Variants in P2RY8 observed in about 807,000 individuals in gnomAD.
The protein encoded by P2RY8 is P2Y receptor family member 8, also known as S-geranylgeranyl-glutathione receptor P2RY8.
Under a neutral mutation model 10.0 loss-of-function variants are expected in P2RY8, and 6 were observed. That is an observed-to-expected ratio of 0.60 (90% CI 0.33 to 1.19). The LOEUF is 1.19. P2RY8 is among the 50% of genes most tolerant of loss of function. The probability of loss-of-function intolerance (pLI) is 0.04; values close to 1 mark genes in which losing one functional copy is unlikely to be tolerated. For missense variants in P2RY8, 456 were observed against 542.0 expected (o/e 0.84, Z 1.58); for synonymous variants, 276 against 252.5 (o/e 1.09, Z -0.88).
In P2RY8 at chrX:1,465,493, C is replaced by A. The variant is rs1194232990; in HGVS notation, c.1066G>T (p.Glu356Ter). 6.2e-7 allele frequency: 1 copy of A among 1,607,334 alleles called. No homozygotes were observed. Among genetic ancestry groups the A allele is most frequent in the African/African-American group, 1.3e-5 (1 of 74,770 alleles). The stretch of plus-strand genomic sequence containing the variant: ...GCCCCCGGGACTCAGAACACACTCT[C>A]CTGCCTCTGGAGGCCGGGCCTGGTG... ...GATRPGLQRQ[E>*]SVF The change falls in exon 2 of 2, where the codon GAG becomes TAG. Residue 356 changes from glutamate (E) to a stop codon, truncating the protein, a stop_gained. Coordinates refer to ENST00000381297, the MANE Select transcript of P2RY8 (RefSeq NM_178129.5). LOFTEE classifies it high-confidence loss of function.
At chrX:1,532,385 T>C (rs1295318718) in intron 1 of P2RY8, among the ~76,000 whole-genome samples, 1 of 149,946 alleles carries the variant, frequency 6.7e-6, no homozygotes, top group Non-Finnish European at 1.5e-5. Flanking sequence ...ATGATGTGTG[T>C]ATATGCACAT....
At chrX:1,506,750 T>C (rs2092237306) in intron 1 of P2RY8, among the ~76,000 whole-genome samples, 1 of 151,718 alleles carries the variant, frequency 6.6e-6, no homozygotes, top group African/African-American at 2.4e-5. Context: ...CAATCTTGGC[T>C]CACTACAACC....
At chrX:1,524,072 T>G (rs764777568) in intron 1 of P2RY8, among the ~76,000 whole-genome samples, 7 of 152,068 alleles carry the variant, frequency 4.6e-5, no homozygotes, top group African/African-American at 1.7e-4. Context: ...GGTGACTGAG[T>G]TTTTTGGCAT....
chrX:1,535,774 G>C (rs1178657619), intron 1 of P2RY8, among the ~76,000 whole-genome samples: 1 of 151,564 alleles, frequency 6.6e-6, no homozygotes, highest in African/African-American at 2.4e-5. Context: ...TTTGGGAACA[G>C]AGCCACGTGA....
At chrX:1,498,355 G>A (rs191775966) in intron 1 of P2RY8, among the ~76,000 whole-genome samples, 21,353 of 136,716 alleles carry the variant, frequency 0.16, 1,963 homozygotes, top group East Asian at 0.43. Flanking sequence ...GCAGTGAGCC[G>A]AGATCGCGCC....
intron 1 of P2RY8, among the ~76,000 whole-genome samples, chrX:1,490,561 T>C (rs2092035676): frequency 7.0e-6 from 1 of 142,490 alleles, no homozygotes; most frequent in African/African-American, 2.6e-5. Context: ...CTTCTGCAAA[T>C]GTAGAGAGAA....
In P2RY8 at chrX:1,514,560, CCCTT is replaced by C. The variant is rs2092325288; in HGVS notation, c.-25+22357_-25+22360del. On this transcript the variant is annotated intron_variant, in intron 1 of 1. Transcript: ENST00000381297. ...CCCTTCCTTTCCCTTCTCTTCCCTT[CCCTT>C]CCCTCCCTTCCCTTCCTTTTCCTTT... 1.3e-3 allele frequency among the ~76,000 whole-genome samples: 9 copies of C among 6,832 alleles called. 2 individuals are homozygous for C. The highest frequency in any genetic ancestry group is 2.5e-3 in the African/African-American group (9 of 3,562). The allele number at this position is 6,832 out of a possible 152,430, so 4.5% of individuals were successfully genotyped here. A position where few individuals can be genotyped will look rare whatever the true frequency, so the allele number is the denominator to read the frequency against.
chrX:1,476,329 C>A (rs868270815), intron 1 of P2RY8, among the ~76,000 whole-genome samples: 11 of 152,070 alleles, frequency 7.2e-5, no homozygotes, highest in South Asian at 4.1e-4. Context: ...GTAATCCCAG[C>A]ACTTTGGGAG....
At chrX:1,507,664 G>A (rs1414962976) in intron 1 of P2RY8, among the ~76,000 whole-genome samples, 5 of 152,180 alleles carry the variant, frequency 3.3e-5, no homozygotes, top group South Asian at 4.2e-4. Flanking sequence ...TCCTGTTGGC[G>A]ACGCGCGATT....
At chrX:1,482,923 T>A (rs1392620663) in intron 1 of P2RY8, among the ~76,000 whole-genome samples, 2 of 147,790 alleles carry the variant, frequency 1.4e-5, no homozygotes, top group Non-Finnish European at 3.0e-5. Flanking sequence ...AAGGAGAACA[T>A]CACACACCGG....
chrX:1,480,361 G>A (rs1221672500), intron 1 of P2RY8, among the ~76,000 whole-genome samples: 7 of 149,048 alleles, frequency 4.7e-5, no homozygotes, highest in Non-Finnish European at 7.4e-5. Context: ...GCAGTGGCAC[G>A]ACCTTGGCTC....
At chrX:1,518,815 C>T (rs2149408168) in intron 1 of P2RY8, among the ~76,000 whole-genome samples, 1 of 152,228 alleles carries the variant, frequency 6.6e-6, no homozygotes, top group South Asian at 2.1e-4. Flanking sequence ...TCTTTCTAGT[C>T]CCCCAAATCC....
chrX:1,493,435 GGA>G (rs1316825950), intron 1 of P2RY8, among the ~76,000 whole-genome samples: 6 of 37,136 alleles, frequency 1.6e-4, no homozygotes, highest in African/African-American at 2.5e-4. Flanking sequence ...GAGGAGGGAG[GGA>G]AGGAGGAGGA....
intron 1 of P2RY8, among the ~76,000 whole-genome samples, chrX:1,481,460 G>A (rs1466266386): frequency 1.3e-5 from 2 of 152,140 alleles, no homozygotes; most frequent in African/African-American, 2.4e-5. Context: ...CACCGTGCCC[G>A]GCCAGGTAGT....
chrX:1,530,644 T>C (rs2092468111), intron 1 of P2RY8, among the ~76,000 whole-genome samples: 1 of 150,906 alleles, frequency 6.6e-6, no homozygotes, highest in South Asian at 2.2e-4. Context: ...TCTATCTATC[T>C]CTCATCTATC....
At chrX:1,517,902 A>G (rs2092362207) in intron 1 of P2RY8, among the ~76,000 whole-genome samples, 1 of 151,904 alleles carries the variant, frequency 6.6e-6, no homozygotes, top group African/African-American at 2.4e-5. Flanking sequence ...TGAGGTCAGG[A>G]GTTCGAGACC....
chrX:1,482,658 T>C (rs2091948096), intron 1 of P2RY8, among the ~76,000 whole-genome samples: 2 of 152,072 alleles, frequency 1.3e-5, no homozygotes. Flanking sequence ...TAGTATAAGG[T>C]GTAAGGAAGG....
chrX:1,498,003 A>G (rs2092133955), intron 1 of P2RY8, among the ~76,000 whole-genome samples: 1 of 152,076 alleles, frequency 6.6e-6, no homozygotes, highest in Non-Finnish European at 1.5e-5. Flanking sequence ...AGACACGGAG[A>G]GCATGAAGGA....
chrX:1,534,021 T>C (rs1244637636), intron 1 of P2RY8, among the ~76,000 whole-genome samples: 2 of 125,984 alleles, frequency 1.6e-5, no homozygotes, highest in Admixed American at 8.8e-5. Context: ...CATATTTACA[T>C]ATATTATATA....
Sources: allele counts gnomAD v4.1 joint callset (sites outside exome capture counted in the v4.1 genomes callset), GRCh38; gene constraint gnomAD v4.1.1; transcripts MANE v1.5; gene names NCBI Gene and HGNC (gene_info 2026-07-23, HGNC 2026-07-21).